STK32B: variants seen among roughly 807,000 people sequenced by gnomAD.
STK32B encodes the protein serine/threonine-protein kinase 32B.
STK32B carries 43 observed loss-of-function variants against 52.6 expected under a neutral mutation model. The observed-to-expected ratio is 0.82, with a 90% CI of 0.64 to 1.05. The LOEUF is 1.05. STK32B is among the 50% of genes least tolerant of loss of function. The pLI, the probability that STK32B is intolerant of heterozygous loss-of-function variation, is 0.00. For synonymous variants in STK32B, 238 were observed against 204.3 expected (o/e 1.17, Z -1.41); for missense variants, 621 against 534.6 (o/e 1.16, Z -1.59).
chr4:5,356,208 T>A (rs1336843460), intron 4 of STK32B, among the ~76,000 whole-genome samples: 1 of 152,148 alleles, frequency 6.6e-6, no homozygotes, highest in East Asian at 1.9e-4. Context: ...TTCCTCAGCC[T>A]GTGGCAGCAT....
intron 3 of STK32B, among the ~76,000 whole-genome samples, chr4:5,245,803 A>G (rs781571917): frequency 6.6e-6 from 1 of 152,124 alleles, no homozygotes; most frequent in Non-Finnish European, 1.5e-5. Flanking sequence ...GCTTGTCTGT[A>G]AAGTATTTTA....
At chr4:5,452,111 T>A (rs374999959) in intron 7 of STK32B, among the ~76,000 whole-genome samples, 8 of 152,316 alleles carry the variant, frequency 5.3e-5, no homozygotes, top group African/African-American at 1.7e-4. Context: ...CCCATCCACA[T>A]TCTGTGCTTC....
intron 3 of STK32B, among the ~76,000 whole-genome samples, chr4:5,301,845 G>T (rs544799978): frequency 1.4e-5 from 2 of 147,198 alleles, no homozygotes; most frequent in East Asian, 2.0e-4. Flanking sequence ...AGTTTAGTTT[G>T]TTTTTTTTCT....
intron 11 of STK32B, among the ~76,000 whole-genome samples, chr4:5,497,194 G>A (rs1201398612): frequency 3.3e-5 from 5 of 152,160 alleles, no homozygotes; most frequent in Admixed American, 6.5e-5. Flanking sequence ...GTTAGCAGCT[G>A]GAATCCCAGA....
rs1010629937 is a variant in STK32B at position 5,469,633 on chromosome 4, G to T, written c.1106+1563G>T. 6.6e-6 allele frequency among the ~76,000 whole-genome samples: 1 copy of T among 152,190 alleles called. No homozygotes were observed. The highest frequency in any genetic ancestry group is 2.4e-5 in the African/African-American group (1 of 41,452). ...GCAAAGGAGGCAGCAGCCTTTCACT[G>T]ACCCTGAGTGGCTATAGCTCTGAGG... On this transcript the variant is annotated intron_variant, in intron 11 of 11. Coordinates refer to ENST00000282908, the MANE Select transcript of STK32B (RefSeq NM_018401.3). This position sits in a 1 kb window ranked among gnomAD's most constrained non-coding sequence, Gnocchi z 4.7.
intron 4 of STK32B, among the ~76,000 whole-genome samples, chr4:5,349,179 G>A (rs1733667043): frequency 6.6e-6 from 1 of 152,048 alleles, no homozygotes; most frequent in Non-Finnish European, 1.5e-5. Context: ...CCAAGAGCTG[G>A]CCTGCCTGGA....
At chr4:5,226,879 C>T (rs538848695) in intron 3 of STK32B, among the ~76,000 whole-genome samples, 2 of 152,042 alleles carry the variant, frequency 1.3e-5, no homozygotes, top group Non-Finnish European at 2.9e-5. Context: ...ACATATACTC[C>T]GTGGATAAGG....
chr4:5,246,189 C>G (rs1278876474), intron 3 of STK32B, among the ~76,000 whole-genome samples: 5 of 152,186 alleles, frequency 3.3e-5, no homozygotes, highest in Non-Finnish European at 7.3e-5. Context: ...GTTCCTTTCT[C>G]CCCGTCACTT....
At position 5,392,252 on chromosome 4, in the gene STK32B, G is replaced by A. The variant is rs956054176; in HGVS notation, c.435-5955G>A. On this transcript the variant is annotated intron_variant, in intron 4 of 11. Transcript: ENST00000282908. ...GAGTTTGAGACCAGCATGGTGATAC[G>A]CCGTCTCTACTAAAAATACAAAATT... 5.4e-4 allele frequency among the ~76,000 whole-genome samples: 82 copies of A among 152,078 alleles called. 1 individual carries two copies. Among genetic ancestry groups the A allele is most frequent in the African/African-American group, 1.9e-3 (78 of 41,498 alleles).
intron 6 of STK32B, among the ~76,000 whole-genome samples, chr4:5,438,600 G>C (rs1209438032): frequency 1.3e-5 from 2 of 151,988 alleles, no homozygotes; most frequent in Admixed American, 6.6e-5. Flanking sequence ...GACTTTTTTT[G>C]TTTTTGTTTT....
chr4:5,199,336 C>T (rs1016489627), intron 3 of STK32B, among the ~76,000 whole-genome samples: 1 of 152,124 alleles, frequency 6.6e-6, no homozygotes, highest in Non-Finnish European at 1.5e-5. Context: ...CCACAGGGAC[C>T]TATTGTAATG....
At chr4:5,494,194 T>A in intron 11 of STK32B, among the ~76,000 whole-genome samples, 1 of 152,150 alleles carries the variant, frequency 6.6e-6, no homozygotes, top group Admixed American at 6.5e-5. Flanking sequence ...AAGTCTCCCA[T>A]TATTATTGTG....
At chr4:5,303,156 C>CT (rs1729682307) in intron 3 of STK32B, among the ~76,000 whole-genome samples, 2 of 151,956 alleles carry the variant, frequency 1.3e-5, no homozygotes, top group Admixed American at 1.3e-4. Flanking sequence ...GTGCAGGTAT[C>CT]TTTTTTGTAT....
At chr4:5,259,054 T>A (rs1030160009) in intron 3 of STK32B, among the ~76,000 whole-genome samples, 1 of 152,202 alleles carries the variant, frequency 6.6e-6, no homozygotes, top group African/African-American at 2.4e-5. Context: ...GAGTTTTACA[T>A]GACAACCTCC....
chr4:5,285,553 A>G (rs570104443), intron 3 of STK32B, among the ~76,000 whole-genome samples: 1 of 152,338 alleles, frequency 6.6e-6, no homozygotes, highest in East Asian at 1.9e-4. Context: ...GGAATTTTTT[A>G]GGATCCTGAG....
intron 3 of STK32B, among the ~76,000 whole-genome samples, chr4:5,295,637 C>T (rs1223892616): frequency 2.0e-5 from 3 of 151,872 alleles, no homozygotes; most frequent in Admixed American, 6.6e-5. Context: ...TATCATTTTT[C>T]ATTGTATCTA....
chr4:5,156,904 C>G (rs1717900606), intron 2 of STK32B, among the ~76,000 whole-genome samples: 1 of 151,856 alleles, frequency 6.6e-6, no homozygotes, highest in African/African-American at 2.4e-5. Flanking sequence ...ATTTCCAGAC[C>G]CAAGCATATT....
At position 5,433,666 on chromosome 4, in the gene STK32B, A is replaced by G. The variant is rs538721220; in HGVS notation, c.563-13007A>G. On this transcript the variant is annotated intron_variant, in intron 6 of 11. Transcript: ENST00000282908. ...GTTCCCAGTCAAGAAGAGAGCAAAC[A>G]CCTGTGGAAACAGATCCTGGAAGGC... is the stretch of plus-strand genomic sequence containing the variant. Among the ~76,000 whole-genome samples the G allele has an allele frequency of 5.3e-5, 8 of 152,256 alleles. 2 individuals carry two copies. The highest frequency in any genetic ancestry group is 1.9e-4 in the African/African-American group (8 of 41,526).
intron 2 of STK32B, among the ~76,000 whole-genome samples, chr4:5,149,654 G>A (rs1717186792): frequency 6.6e-6 from 1 of 151,762 alleles, no homozygotes; most frequent in East Asian, 1.9e-4. Context: ...TAGTGTAGGT[G>A]TCAAATGTAT....
Sources: allele counts gnomAD v4.1 joint callset (sites outside exome capture counted in the v4.1 genomes callset), GRCh38; gene constraint gnomAD v4.1.1; non-coding constraint Gnocchi (gnomAD v3.1); transcripts MANE v1.5; gene names NCBI Gene and HGNC (gene_info 2026-07-23, HGNC 2026-07-21).